Variants in XKR9 observed in about 807,000 individuals in gnomAD.
XKR9 encodes XK-related protein 9.
A neutral mutation model predicts 32.0 loss-of-function variants in XKR9; 32 were observed. The ratio of observed to expected loss-of-function variants is 1.00; its 90% CI spans 0.76 to 1.34. XKR9 has a LOEUF of 1.34. Ranked by LOEUF, XKR9 falls within the 40% of genes most tolerant of loss-of-function variation. XKR9 has a pLI of 0.00. For missense variants in XKR9, 546 were observed against 429.7 expected (o/e 1.27, Z -2.39); for synonymous variants, 168 against 143.4 (o/e 1.17, Z -1.22).
chr8:70,995,753 T>G, the XKR9 span, among the ~76,000 whole-genome samples: 6 of 152,194 alleles, frequency 3.9e-5, no homozygotes, highest in Non-Finnish European at 8.8e-5. Context: ...TGGGTTCAAG[T>G]GATCCTCCTG....
At chr8:70,773,879 G>A (rs1383040207) in intron 2 of XKR9, among the ~76,000 whole-genome samples, 1 of 152,152 alleles carries the variant, frequency 6.6e-6, no homozygotes, top group African/African-American at 2.4e-5. Flanking sequence ...TGGATTGGCT[G>A]TTAGAATAGG....
the XKR9 span, among the ~76,000 whole-genome samples, chr8:71,047,425 C>T: frequency 6.6e-6 from 1 of 152,300 alleles, no homozygotes; most frequent in African/African-American, 2.4e-5. Flanking sequence ...TTACAGCTAA[C>T]CTGGATCTTA....
At chr8:70,830,261 C>G in the XKR9 span, among the ~76,000 whole-genome samples, 1 of 152,188 alleles carries the variant, frequency 6.6e-6, no homozygotes, top group African/African-American at 2.4e-5. Context: ...GTTTCAAGGA[C>G]TTGGTGTCAT....
In XKR9 at chr8:70,707,000, G is replaced by T. The variant is rs112321073; in HGVS notation, c.340G>T (p.Val114Leu). The T allele has an allele frequency of 2.4e-3, 3,868 of 1,613,234 alleles. 67 individuals carry two copies. In the African/African-American group the frequency reaches 0.039, roughly 16 times the overall value. ...FKYDSNTSNF[V>L]EEQIDLHKEV... ...ATATGACAGCAATACTAGTAACTTCGTGGAAGAACAAATTGATCTACATAA... is the reference window on the plus strand; with the variant it reads ...ATATGACAGCAATACTAGTAACTTCTTGGAAGAACAAATTGATCTACATAA... Residue 114 changes from valine (V) to leucine (L), a missense_variant, in exon 4 of 5, where the codon GTG (valine) becomes TTG (leucine). Coordinates refer to ENST00000408926, the MANE Select transcript of XKR9 (RefSeq NM_001011720.2).
rs537651796 is a variant in XKR9, at chr8:70,780,555, C to T, written n.353-8784C>T. On this transcript the variant is annotated intron_variant and non_coding_transcript_variant, in intron 2 of 3. Coordinates refer to the XKR9 transcript ENST00000520273. ...GTTTTCCAGCTACAAGCCAGGAAAG[C>T]GAAGGATTTCCAAAAACCCCTAGAA... Among the ~76,000 whole-genome samples the T allele has an allele frequency of 5.9e-5, 9 of 152,114 alleles. No homozygotes were observed. In the East Asian group the frequency reaches 9.7e-4, roughly 16 times the overall value.
At chr8:70,719,196 G>C (rs1806192841) in intron 4 of XKR9, among the ~76,000 whole-genome samples, 1 of 151,894 alleles carries the variant, frequency 6.6e-6, no homozygotes, top group South Asian at 2.1e-4. Flanking sequence ...TGTAGATTCT[G>C]GATATTAGCC....
At chr8:70,876,889 C>T in the XKR9 span, among the ~76,000 whole-genome samples, 48,115 of 151,706 alleles carry the variant, frequency 0.32, 8,920 homozygotes, top group Non-Finnish European at 0.43. Context: ...TAATGTAGTA[C>T]TGTTGTGTAA....
Position 70,706,847 on chromosome 8 carries a change from T to G in XKR9, c.273-86T>G, listed in dbSNP as rs1000054239. 10 of 1,135,772 alleles carry G rather than the reference T, an allele frequency of 8.8e-6. No homozygotes were observed. The African/African-American group carries it at 1.6e-4, about 19-fold the overall frequency. The allele number at this position is 1,135,772 out of a possible 1,614,324, so 70.4% of individuals were successfully genotyped here. ...AAAAACTGTGTACTTAAAACACATA[T>G]TCCTTTTTCCAAATTATTATGTGTA... On this transcript the variant is annotated intron_variant, in intron 3 of 4. Transcript: ENST00000408926.
chr8:71,048,063 C>T, the XKR9 span, among the ~76,000 whole-genome samples: 1 of 152,098 alleles, frequency 6.6e-6, no homozygotes, highest in Non-Finnish European at 1.5e-5. Context: ...CTTCCAACTT[C>T]CATGTGAGGG....
the XKR9 span, among the ~76,000 whole-genome samples, chr8:70,924,980 C>T: frequency 6.6e-6 from 1 of 151,872 alleles, no homozygotes; most frequent in East Asian, 1.9e-4. Context: ...ATTTTTTTTG[C>T]CCAAGTAAAT....
the XKR9 span, among the ~76,000 whole-genome samples, chr8:70,944,223 T>C: frequency 6.6e-6 from 1 of 152,274 alleles, no homozygotes; most frequent in Admixed American, 6.5e-5. Flanking sequence ...ATTTTGTAAG[T>C]GTTAAAAAGA....
chr8:70,963,548 C>T, the XKR9 span, among the ~76,000 whole-genome samples: 4 of 152,166 alleles, frequency 2.6e-5, no homozygotes, highest in African/African-American at 9.6e-5. Context: ...GCCACATTGT[C>T]TTCCACAATG....
At chr8:70,767,059 C>CT (rs977476375) in intron 2 of XKR9, among the ~76,000 whole-genome samples, 3 of 151,810 alleles carry the variant, frequency 2.0e-5, no homozygotes, top group Admixed American at 1.3e-4. Flanking sequence ...CTGAAATTTT[C>CT]TTTTTTTTGT....
At chr8:70,954,939 T>G in the XKR9 span, among the ~76,000 whole-genome samples, 2 of 152,236 alleles carry the variant, frequency 1.3e-5, no homozygotes, top group African/African-American at 4.8e-5. Context: ...CATCAGTCTT[T>G]TGTAAGTCTG....
the XKR9 span, among the ~76,000 whole-genome samples, chr8:70,918,838 C>T: frequency 1.3e-4 from 15 of 113,534 alleles, no homozygotes; most frequent in Admixed American, 5.1e-4. Flanking sequence ...AGTGCAGTGG[C>T]GCTGTCTCGG....
chr8:71,050,309 A>T, the XKR9 span, among the ~76,000 whole-genome samples: 1 of 143,108 alleles, frequency 7.0e-6, no homozygotes, highest in East Asian at 2.1e-4. Flanking sequence ...ATATAGATAT[A>T]GATATAGATA....
intron 3 of XKR9, among the ~76,000 whole-genome samples, chr8:70,695,966 T>C (rs1351259172): frequency 2.0e-5 from 3 of 152,090 alleles, no homozygotes; most frequent in Non-Finnish European, 2.9e-5. Context: ...TTTGGTTGCA[T>C]AAATAAATGT....
At chr8:70,909,969 A>T in the XKR9 span, among the ~76,000 whole-genome samples, 7 of 151,854 alleles carry the variant, frequency 4.6e-5, no homozygotes, top group African/African-American at 1.7e-4. Context: ...TGGCCTCCCA[A>T]AGTGCTGGGA....
At chr8:70,697,781 C>T (rs1246808204) in intron 3 of XKR9, among the ~76,000 whole-genome samples, 2 of 151,818 alleles carry the variant, frequency 1.3e-5, no homozygotes, top group African/African-American at 4.8e-5. Flanking sequence ...CCTTGTACCT[C>T]TGGTAGAATT....
Sources: allele counts gnomAD v4.1 joint callset (sites outside exome capture counted in the v4.1 genomes callset), GRCh38; gene constraint gnomAD v4.1.1; transcripts MANE v1.5; gene names NCBI Gene and HGNC (gene_info 2026-07-23, HGNC 2026-07-21).